Variants in MYO18B observed in about 807,000 individuals in gnomAD.
MYO18B encodes unconventional myosin-XVIIIb.
In MYO18B, 204 loss-of-function variants were observed where a neutral mutation model predicts 273.0. The observed-to-expected ratio is 0.75, with a 90% confidence interval of 0.67 to 0.84. The LOEUF (loss-of-function observed/expected upper bound fraction) is 0.84, where lower values mean the gene tolerates loss of function less well. MYO18B is among the 40% of genes least tolerant of loss of function. The pLI is 0.00. For missense variants in MYO18B, 3,212 were observed against 3,287.6 expected, an observed-to-expected ratio of 0.98 and a Z score of 0.56; for synonymous variants, 1,330 against 1,305.7, an observed-to-expected ratio of 1.02 and a Z score of -0.40.
At chr22:26,002,043 C>A (rs1934004649) in intron 40 of MYO18B, among the ~76,000 whole-genome samples, 1 of 152,136 alleles carries the variant, frequency 6.6e-6, no homozygotes. Flanking sequence ...AACATATTCC[C>A]TTGTTTTGGG....
In MYO18B at chr22:25,828,684, G is replaced by A. The variant is rs958040383; in HGVS notation, c.2787-92G>A. 4 of 1,265,746 alleles carry A rather than the reference G, an allele frequency of 3.2e-6. No homozygotes were observed. The East Asian group carries it at 7.0e-5, about 22-fold the overall frequency. The allele number at this position is 1,265,746 out of a possible 1,614,324, so 78.4% of individuals were successfully genotyped here. A position where few individuals can be genotyped will look rare whatever the true frequency, so the allele number is the denominator to read the frequency against. On this transcript the variant is annotated intron_variant, in intron 14 of 43. Coordinates refer to ENST00000335473, the MANE Select transcript of MYO18B (RefSeq NM_032608.7). ...CACACAGCCTGTAAGAGGTGAGCTT[G>A]GTTTTGAAACCAGTTCTGCTGGAGG...
At chr22:25,903,097 C>G (rs1212289753) in intron 30 of MYO18B, 2 of 225,722 alleles carry the variant, frequency 8.9e-6, no homozygotes, top group African/African-American at 4.6e-5. Flanking sequence ...AAATACAACA[C>G]GGGTGCCTCA....
chr22:26,025,334 G>C (rs879291684), intron 42 of MYO18B, among the ~76,000 whole-genome samples: 1 of 152,148 alleles, frequency 6.6e-6, no homozygotes, highest in Non-Finnish European at 1.5e-5. Context: ...GTGTGATCAG[G>C]AGTGGAAGTG....
At chr22:25,819,786 A>G (rs1314152047) in intron 12 of MYO18B, among the ~76,000 whole-genome samples, 1 of 152,086 alleles carries the variant, frequency 6.6e-6, no homozygotes, top group Non-Finnish European at 1.5e-5. Context: ...GTGAAAATGT[A>G]GTTCTTCCAC....
intron 31 of MYO18B, among the ~76,000 whole-genome samples, chr22:25,907,715 A>G (rs944426653): frequency 2.6e-5 from 4 of 152,186 alleles, no homozygotes; most frequent in Non-Finnish European, 5.9e-5. Flanking sequence ...TGCTCCAGGA[A>G]TGAGAAATAT....
intron 12 of MYO18B, among the ~76,000 whole-genome samples, chr22:25,817,741 T>C (rs1419161548): frequency 2.6e-5 from 4 of 152,320 alleles, no homozygotes; most frequent in East Asian, 1.9e-4. Flanking sequence ...TCATAAGATA[T>C]ACTTTAAAGG....
chr22:25,770,217 C>T (rs2086669061), intron 5 of MYO18B, 41 bp downstream of exon 5: 1 of 1,591,360 alleles, frequency 6.3e-7, no homozygotes, highest in Non-Finnish European at 8.6e-7. Flanking sequence ...TCTGAGTCTT[C>T]TCCTGTGCCC....
chr22:26,019,750 A>G (rs1935662234), intron 42 of MYO18B, among the ~76,000 whole-genome samples: 1 of 152,220 alleles, frequency 6.6e-6, no homozygotes, highest in Non-Finnish European at 1.5e-5. Context: ...GGGGGGTGAC[A>G]GCACGCTTTG....
intron 11 of MYO18B, among the ~76,000 whole-genome samples, chr22:25,786,728 A>T (rs1381183722): frequency 6.6e-6 from 1 of 152,226 alleles, no homozygotes. Context: ...CACTATTAGT[A>T]TGAAGAAGCA....
intron 39 of MYO18B, among the ~76,000 whole-genome samples, chr22:25,991,189 A>G (rs978557109): frequency 5.3e-5 from 8 of 152,156 alleles, no homozygotes; most frequent in African/African-American, 1.7e-4. Flanking sequence ...TCTCCTTGTC[A>G]TCAGTAGCAC....
In MYO18B at chr22:25,766,642, G is replaced by A. The variant is rs543669961; in HGVS notation, c.199-1473G>A. Among the ~76,000 whole-genome samples, 170 of 152,274 alleles carry A rather than the reference G, an allele frequency of 1.1e-3. 1 individual carries two copies. The highest frequency in any genetic ancestry group is 3.9e-3 in the African/African-American group (161 of 41,544). On this transcript the variant is annotated intron_variant, in intron 3 of 43. Coordinates refer to ENST00000335473, the MANE Select transcript of MYO18B (RefSeq NM_032608.7). ...GACAAGTGAAGAGGGGAAAGGGCAC[G>A]CCAGGCAGCAAGCTCAGCATGGGCA... is the stretch of plus-strand genomic sequence containing the variant.
chr22:25,894,232 A>C (rs1333991403), intron 27 of MYO18B, among the ~76,000 whole-genome samples: 1 of 152,072 alleles, frequency 6.6e-6, no homozygotes, highest in Non-Finnish European at 1.5e-5. Flanking sequence ...TTGCTTGATT[A>C]TTCTGGAAGG....
downstream of MYO18B, among the ~76,000 whole-genome samples, chr22:26,031,204 A>G (rs1728724851): frequency 6.6e-6 from 1 of 152,186 alleles, no homozygotes; most frequent in African/African-American, 2.4e-5. Flanking sequence ...CCACTAGCAT[A>G]GACTCCATAT....
intron 22 of MYO18B, among the ~76,000 whole-genome samples, chr22:25,869,786 C>T (rs1410267556): frequency 2.0e-5 from 3 of 152,204 alleles, no homozygotes; most frequent in South Asian, 4.1e-4. Flanking sequence ...TACCACCCCT[C>T]AGCCCACCCT....
At chr22:25,851,622 G>C (rs2090431370) in intron 21 of MYO18B, 43 bp downstream of exon 21, 1 of 1,372,402 alleles carries the variant, frequency 7.3e-7, no homozygotes, top group Admixed American at 2.0e-5. Flanking sequence ...CCTAGATATG[G>C]ATATGTTGGT....
At chr22:25,760,883 A>G (rs2086289697) in intron 1 of MYO18B, 101 bp from the exon 2 acceptor site, 3 of 611,214 alleles carry the variant, frequency 4.9e-6, no homozygotes, top group Non-Finnish European at 8.8e-6. Context: ...CCATTCCCCC[A>G]TGTGGTCTTG....
chr22:25,846,948 A>G (rs912593331), intron 19 of MYO18B, among the ~76,000 whole-genome samples: 5 of 151,972 alleles, frequency 3.3e-5, no homozygotes, highest in African/African-American at 9.7e-5. Context: ...GGGCGTGGTG[A>G]TGCATGTCTG....
intron 31 of MYO18B, among the ~76,000 whole-genome samples, chr22:25,906,588 A>C (rs1569176485): frequency 6.6e-6 from 1 of 152,244 alleles, no homozygotes; most frequent in South Asian, 2.1e-4. Flanking sequence ...GTAAATGATC[A>C]GAAAGTTATC....
intron 1 of MYO18B, among the ~76,000 whole-genome samples, chr22:25,745,415 A>G (rs898167705): frequency 5.9e-5 from 9 of 151,930 alleles, no homozygotes; most frequent in African/African-American, 2.2e-4. Flanking sequence ...CTGGCAGAAA[A>G]TGAACTTTAT....
Sources: allele counts gnomAD v4.1 joint callset (sites outside exome capture counted in the v4.1 genomes callset), GRCh38; gene constraint gnomAD v4.1.1; transcripts MANE v1.5; gene names NCBI Gene and HGNC (gene_info 2026-07-23, HGNC 2026-07-21).